The following FLRT1 variants were observed in gnomAD, a reference collection of about 807,000 sequenced individuals.
FLRT1 encodes the protein fibronectin leucine rich transmembrane protein 1, also known as leucine-rich repeat transmembrane protein FLRT1.
In FLRT1, 14 loss-of-function variants were observed where a neutral mutation model predicts 30.9. That is an observed-to-expected ratio of 0.45 (90% CI 0.30 to 0.71). The LOEUF is 0.71. FLRT1 is among the 30% of genes least tolerant of loss of function. FLRT1 has a pLI of 0.08. For synonymous variants in FLRT1, 368 were observed against 430.4 expected (o/e 0.85, Z 1.80); for missense variants, 737 against 949.2 (o/e 0.78, Z 2.94).
intron 1 of FLRT1, among the ~76,000 whole-genome samples, chr11:64,037,877 T>C (rs1164476972): frequency 6.6e-6 from 1 of 152,218 alleles, no homozygotes; most frequent in South Asian, 2.1e-4. Flanking sequence ...TAAAATGGGA[T>C]TGATAGTGCC....
intron 1 of FLRT1, among the ~76,000 whole-genome samples, chr11:64,040,033 T>C (rs1195126316): frequency 6.6e-6 from 1 of 152,256 alleles, no homozygotes; most frequent in Non-Finnish European, 1.5e-5. Flanking sequence ...TGCTCATTCA[T>C]TCATTCATTC....
At chr11:64,055,406 G>A (rs975782889) in intron 1 of FLRT1, among the ~76,000 whole-genome samples, 6 of 152,234 alleles carry the variant, frequency 3.9e-5, no homozygotes, top group Non-Finnish European at 7.3e-5. Context: ...GATGGGGGAT[G>A]GGTGCTTTGC....
chr11:64,038,072 G>A (rs984534797), intron 1 of FLRT1, among the ~76,000 whole-genome samples: 1 of 152,132 alleles, frequency 6.6e-6, no homozygotes, highest in African/African-American at 2.4e-5. Flanking sequence ...CCTCACGCTG[G>A]CCCTCAGTGG....
intron 2 of FLRT1, among the ~76,000 whole-genome samples, chr11:64,107,631 C>T (rs1049160229): frequency 2.6e-5 from 4 of 152,332 alleles, no homozygotes; most frequent in African/African-American, 7.2e-5. Flanking sequence ...TAAAAGAATT[C>T]CCGCCCCAGC....
intron 1 of FLRT1, chr11:64,087,095 C>T (rs1944408737): frequency 6.6e-6 from 1 of 152,168 alleles, no homozygotes; most frequent in African/African-American, 2.4e-5. Context: ...ATTAACATCC[C>T]CACTGGTAAA....
chr11:64,042,539 T>G (rs1943507652), intron 1 of FLRT1, among the ~76,000 whole-genome samples: 1 of 152,108 alleles, frequency 6.6e-6, no homozygotes, highest in Non-Finnish European at 1.5e-5. Flanking sequence ...AGCAGTCAGG[T>G]AGGCTCTGGG....
chr11:64,068,403 G>A (rs1433590316), intron 1 of FLRT1, among the ~76,000 whole-genome samples: 1 of 152,226 alleles, frequency 6.6e-6, no homozygotes, highest in African/African-American at 2.4e-5. Context: ...GTAAAATGGA[G>A]GTATCTACTG....
At chr11:64,114,646 G>T (rs1944941888) in intron 2 of FLRT1, among the ~76,000 whole-genome samples, 1 of 151,784 alleles carries the variant, frequency 6.6e-6, no homozygotes, top group South Asian at 2.1e-4. Context: ...TGAATGGATG[G>T]ATGGATGAAT....
chr11:64,116,720 G>A lies in FLRT1; in HGVS notation c.453G>A (p.Pro151=), dbSNP rs199846270. ...CCAGGGACTCGCTGGCCCGCATCCC[G>A]CTGCTGGAGAAGCTGCACCTGGATG... ...TIARDSLARI[P]LLEKLHLDDN... Residue 151 remains proline (P), a synonymous_variant, in exon 3 of 3, where the codon CCG becomes CCA. Transcript: ENST00000682287. 41 of 1,613,712 alleles carry A rather than the reference G, an allele frequency of 2.5e-5. No individual in the cohort carries two copies. The East Asian group carries it at 4.7e-4, about 18-fold the overall frequency.
intron 1 of FLRT1, among the ~76,000 whole-genome samples, chr11:64,099,012 G>A (rs1290041056): frequency 6.6e-6 from 1 of 152,254 alleles, no homozygotes; most frequent in African/African-American, 2.4e-5. Flanking sequence ...CTGTAAAGCT[G>A]AGGGCCTGAG....
intron 1 of FLRT1, among the ~76,000 whole-genome samples, chr11:64,042,451 C>T (rs1943506111): frequency 6.6e-6 from 1 of 152,182 alleles, no homozygotes; most frequent in Non-Finnish European, 1.5e-5. Context: ...AGTGACAGCC[C>T]CTCCCCTAAG....
intron 1 of FLRT1, among the ~76,000 whole-genome samples, chr11:64,079,602 G>T (rs1299735745): frequency 6.6e-6 from 1 of 152,190 alleles, no homozygotes; most frequent in East Asian, 1.9e-4. Context: ...CGTGGGGTGG[G>T]AGATGGGCTA....
At chr11:64,112,264 A>T (rs764087580) in intron 2 of FLRT1, among the ~76,000 whole-genome samples, 5 of 152,230 alleles carry the variant, frequency 3.3e-5, no homozygotes, top group Non-Finnish European at 5.9e-5. Flanking sequence ...CTGTAATCCC[A>T]GTACTTTGAG....
rs144664182 is a variant in FLRT1 at position 64,117,074 on chromosome 11, C to A, written c.807C>A (p.Ser269Arg). The stretch of plus-strand genomic sequence containing the variant: ...CCGCGCCACCCCTCAACCTGCCCAG[C>A]GCCCACCTGCAGAAGCTCTACCTGC... ...SLAAPPLNLPSAHLQKLYLQD... is the reference protein window; with the variant it reads ...SLAAPPLNLPRAHLQKLYLQD... The change falls in exon 3 of 3, where the codon AGC becomes AGA. Residue 269 changes from serine (S) to arginine (R), a missense_variant. Ser to Arg is a moderately radical substitution (Grantham distance 110, BLOSUM62 -1). Coordinates refer to ENST00000682287, the MANE Select transcript of FLRT1 (RefSeq NM_013280.5). 5.0e-6 allele frequency: 8 copies of A among 1,601,774 alleles called. No homozygotes were observed. The African/African-American group carries it at 6.7e-5, about 13-fold the overall frequency.
At chr11:64,060,362 C>T (rs1943876512) in intron 1 of FLRT1, 1 of 152,242 alleles carries the variant, frequency 6.6e-6, no homozygotes, top group Admixed American at 6.5e-5. Context: ...AGCAGAACAC[C>T]AGCCTTTCTG....
In FLRT1 at chr11:64,116,639, C is replaced by T. The variant is rs142276831; in HGVS notation, c.372C>T (p.Asn124=). 1.6e-5 allele frequency: 26 copies of T among 1,614,180 alleles called. No individual in the cohort carries two copies. The highest frequency in any genetic ancestry group is 1.0e-4 in the Admixed American group (6 of 60,036). ...ATGACCTGGATGAGTTCCCCATCAA[C>T]CTGCCCCGCTCCCTCCGGGAGCTGC... ...YENDLDEFPI[N]LPRSLRELHL... The change falls in exon 3 of 3, where the codon AAC becomes AAT. Residue 124 remains asparagine, a synonymous_variant. Transcript: ENST00000682287.
chr11:64,078,540 G>C (rs1944245434), intron 1 of FLRT1, among the ~76,000 whole-genome samples: 1 of 152,260 alleles, frequency 6.6e-6, no homozygotes, highest in Admixed American at 6.5e-5. Context: ...GAGGGGAGCT[G>C]TCTGGGTGGG....
chr11:64,101,525 C>T (rs1944670427), intron 1 of FLRT1, among the ~76,000 whole-genome samples: 1 of 152,178 alleles, frequency 6.6e-6, no homozygotes, highest in Non-Finnish European at 1.5e-5. Flanking sequence ...GGCCCGCTGC[C>T]CCTGCCCCAC....
rs372480199 is a variant in FLRT1 at position 64,064,906 on chromosome 11, C to T, written c.-1038+28747C>T. 5.9e-5 allele frequency among the ~76,000 whole-genome samples: 9 copies of T among 152,266 alleles called. No homozygotes were observed. Among genetic ancestry groups the T allele is most frequent in the African/African-American group, 9.6e-5 (4 of 41,558 alleles). ...GAGTGCTTCCAGAGCCCACCTATGA[C>T]GTGCCAGGCAAGGCGGCAGGCAGGA... On this transcript the variant is annotated intron_variant, in intron 1 of 2. Transcript: ENST00000682287. This position sits in a 1 kb window ranked among gnomAD's most constrained non-coding sequence, Gnocchi z 4.5.
Sources: allele counts gnomAD v4.1 joint callset (sites outside exome capture counted in the v4.1 genomes callset), GRCh38; gene constraint gnomAD v4.1.1; non-coding constraint Gnocchi (gnomAD v3.1); transcripts MANE v1.5; gene names NCBI Gene and HGNC (gene_info 2026-07-23, HGNC 2026-07-21).